Variants in FGFR1 observed in about 807,000 individuals in gnomAD.
FGFR1 encodes the protein FGFR1/PLAG1 fusion.
FGFR1 carries 18 observed loss-of-function variants against 93.7 expected under a neutral mutation model. The observed-to-expected ratio is 0.19, with a 90% CI of 0.13 to 0.28. The LOEUF (loss-of-function observed/expected upper bound fraction) is 0.28, where lower values mean the gene tolerates loss of function less well. Ranked by LOEUF, FGFR1 falls within the 10% of genes least tolerant of loss-of-function variation. The pLI is 1.00. For missense variants in FGFR1, 731 were observed against 1,080.4 expected (o/e 0.68, Z 4.53); for synonymous variants, 448 against 429.3 (o/e 1.04, Z -0.54).
At chr8:38,419,790 G>A in intron 8 of FGFR1, 55 bp from the exon 9 acceptor site, 1 of 1,499,704 alleles carries the variant, frequency 6.7e-7, no homozygotes, top group Non-Finnish European at 9.2e-7. Context: ...TCCATGCGAG[G>A]TCCCGCTCCA....
chr8:38,440,387 G>A, intron 2 of FGFR1: 1 of 1,573,604 alleles, frequency 6.4e-7, no homozygotes, highest in Non-Finnish European at 8.6e-7. Flanking sequence ...CAAGGGTTTG[G>A]GTGGAGAGAG....
intron 10 of FGFR1, 93 bp downstream of exon 10, chr8:38,418,135 C>T: frequency 1.2e-6 from 2 of 1,608,588 alleles, no homozygotes; most frequent in Non-Finnish European, 1.7e-6. Context: ...CATGAACCTT[C>T]ACCGCCCAGA....
chr8:38,448,278 AT>A (rs200939148), intron 2 of FGFR1, among the ~76,000 whole-genome samples: 28,114 of 136,172 alleles, frequency 0.21, 2,092 homozygotes, highest in African/African-American at 0.24. Flanking sequence ...CAAAACACCA[AT>A]TTTTTTTTTT....
At chr8:38,450,975 G>A (rs968131405) in intron 2 of FGFR1, among the ~76,000 whole-genome samples, 3 of 152,138 alleles carry the variant, frequency 2.0e-5, no homozygotes, top group Non-Finnish European at 4.4e-5. Flanking sequence ...CTGAACACTT[G>A]CAAACACCCC....
At chr8:38,421,965 A>ATTT in intron 7 of FGFR1, 24 bp from the exon 8 acceptor site, 2 of 1,613,786 alleles carry the variant, frequency 1.2e-6, no homozygotes, top group Non-Finnish European at 1.7e-6. Flanking sequence ...CGGAAGCAAA[A>ATTT]TGGACAAGCA....
chr8:38,427,482 G>A (rs1481873187), intron 5 of FGFR1, among the ~76,000 whole-genome samples: 1 of 152,210 alleles, frequency 6.6e-6, no homozygotes, highest in Non-Finnish European at 1.5e-5. Flanking sequence ...GTTTCGCCAT[G>A]TTGCCCAGGC....
intron 13 of FGFR1, 97 bp downstream of exon 13, chr8:38,415,773 C>A: frequency 3.2e-6 from 4 of 1,258,550 alleles, no homozygotes; most frequent in Non-Finnish European, 4.6e-6. Flanking sequence ...TCAGTGCATC[C>A]ACAACGCCAC....
At chr8:38,440,458 TGG>T (rs1448376435) in intron 2 of FGFR1, 1 of 1,134,928 alleles carries the variant, frequency 8.8e-7, no homozygotes, top group Non-Finnish European at 1.2e-6. Flanking sequence ...GCTGCAAAAA[TGG>T]GGGGCACAGG....
rs1490366281 is a variant in FGFR1, at chr8:38,424,527, A to G, written c.918T>C (p.Pro306=). The part of the protein sequence containing the change: ...NGSKIGPDNL[P]YVQILKTAGV... ...TGATTACCTTCAAGATCTGGACATAAGGCAGGTTGTCTGGGCCAATCTTGC... is the reference window on the plus strand; with the variant it reads ...TGATTACCTTCAAGATCTGGACATAGGGCAGGTTGTCTGGGCCAATCTTGC... The change falls in exon 7 of 18, where the codon CCT becomes CCC. Residue 306 remains proline, a synonymous_variant. Coordinates refer to ENST00000447712, the MANE Select transcript of FGFR1 (RefSeq NM_023110.3). The surrounding 1 kb of genome is among the most constrained non-coding windows in gnomAD (Gnocchi z 4.3). 1 of 1,614,154 alleles carries G rather than the reference A, an allele frequency of 6.2e-7. No individual in the cohort carries two copies. The highest frequency in any genetic ancestry group is 8.5e-7 in the Non-Finnish European group (1 of 1,180,034).
Position 38,413,365 on chromosome 8 carries a change from T to C in FGFR1, c.*263A>G. On this transcript the variant is annotated 3_prime_UTR_variant, in exon 18 of 18. Coordinates refer to ENST00000447712, the MANE Select transcript of FGFR1 (RefSeq NM_023110.3). This position sits in a 1 kb window ranked among gnomAD's most constrained non-coding sequence, Gnocchi z 4.2. The stretch of plus-strand genomic sequence containing the variant: ...GGCAGTGCCTGGTGGCAGGGAGGGG[T>C]GTTGGTCCAACATCTGGGAGGGGAT... 1 of 530,124 alleles carries C rather than the reference T, an allele frequency of 1.9e-6. No homozygotes were observed. Among genetic ancestry groups the C allele is most frequent in the Non-Finnish European group, 3.3e-6 (1 of 299,644 alleles). 32.8% of individuals were successfully genotyped at this position (530,124 alleles called of 1,614,324 possible). A position where few individuals can be genotyped will look rare whatever the true frequency, so the allele number is the denominator to read the frequency against.
intron 2 of FGFR1, among the ~76,000 whole-genome samples, chr8:38,437,029 C>T (rs1251217140): frequency 6.6e-6 from 1 of 152,190 alleles, no homozygotes; most frequent in African/African-American, 2.4e-5. Context: ...TATAGACAAG[C>T]GCCACCACGC....
intron 1 of FGFR1, among the ~76,000 whole-genome samples, chr8:38,458,424 C>T (rs1334586196): frequency 6.6e-6 from 1 of 152,016 alleles, no homozygotes; most frequent in African/African-American, 2.4e-5. Context: ...ACCTGTAATC[C>T]CAGCTACTCA....
chr8:38,444,433 G>T (rs1490387306), intron 2 of FGFR1, among the ~76,000 whole-genome samples: 1 of 150,838 alleles, frequency 6.6e-6, no homozygotes, highest in Non-Finnish European at 1.5e-5. Context: ...CTGTAGCCCA[G>T]GCTAAAGAAC....
At chr8:38,423,311 A>ATTTT in intron 7 of FGFR1, 15 of 351,780 alleles carry the variant, frequency 4.3e-5, no homozygotes, top group Middle Eastern at 7.6e-4. Context: ...TTTCCCTTTT[A>ATTTT]GTTTTTTTTT....
chr8:38,439,874 C>T (rs1826787420), intron 2 of FGFR1, among the ~76,000 whole-genome samples: 1 of 152,130 alleles, frequency 6.6e-6, no homozygotes, highest in African/African-American at 2.4e-5. Flanking sequence ...CTTGCACTTA[C>T]TCATGTTGCT....
chr8:38,439,447 GAGA>G (rs1220525575), intron 2 of FGFR1, among the ~76,000 whole-genome samples: 1 of 152,144 alleles, frequency 6.6e-6, no homozygotes, highest in African/African-American at 2.4e-5. Context: ...ATGACCCACT[GAGA>G]AGATTAAGAA....
At chr8:38,453,595 T>C (rs551589114) in intron 2 of FGFR1, among the ~76,000 whole-genome samples, 83 of 152,248 alleles carry the variant, frequency 5.5e-4, no homozygotes, top group Non-Finnish European at 1.0e-3. Flanking sequence ...TAGCCCAAAC[T>C]GTTATACCTA....
intron 2 of FGFR1, among the ~76,000 whole-genome samples, chr8:38,443,890 C>T (rs1311859568): frequency 1.3e-5 from 2 of 151,548 alleles, no homozygotes; most frequent in Non-Finnish European, 2.9e-5. Context: ...CCCGTGTCTA[C>T]TAAAAATACA....
chr8:38,427,788 T>C, intron 5 of FGFR1, 133 bp downstream of exon 5: 1 of 936,508 alleles, frequency 1.1e-6, no homozygotes, highest in Non-Finnish European at 1.7e-6. Context: ...TTTTTTTGTA[T>C]TTAAAAATTT....
Sources: allele counts gnomAD v4.1 joint callset (sites outside exome capture counted in the v4.1 genomes callset), GRCh38; gene constraint gnomAD v4.1.1; non-coding constraint Gnocchi (gnomAD v3.1); transcripts MANE v1.5; gene names NCBI Gene and HGNC (gene_info 2026-07-23, HGNC 2026-07-21).